Variants in BICRA observed in about 807,000 individuals in gnomAD.
BICRA encodes BRD4-interacting chromatin-remodeling complex-associated protein.
BICRA carries 31 observed loss-of-function variants against 96.9 expected under a neutral mutation model. The observed-to-expected ratio is 0.32, with a 90% CI of 0.24 to 0.43. The LOEUF (loss-of-function observed/expected upper bound fraction) is 0.43. Ranked by LOEUF, BICRA falls within the 20% of genes least tolerant of loss-of-function variation. BICRA has a pLI of 1.00. For synonymous variants in BICRA, 1,350 were observed against 1,071.8 expected (o/e 1.26, Z -5.07); for missense variants, 2,283 against 2,190.3 (o/e 1.04, Z -0.84).
intron 7 of BICRA, among the ~76,000 whole-genome samples, 190 bp downstream of exon 7, chr19:47,682,342 A>G (rs1973078298): frequency 6.6e-6 from 1 of 152,108 alleles, no homozygotes; most frequent in Non-Finnish European, 1.5e-5. Flanking sequence ...GCCCTGGGGG[A>G]GCCCACGCGC....
chr19:47,685,123 C>G (rs904994073), intron 7 of BICRA, among the ~76,000 whole-genome samples: 1 of 151,876 alleles, frequency 6.6e-6, no homozygotes, highest in African/African-American at 2.4e-5. Flanking sequence ...GCATGTGCCA[C>G]CACGCACAGC....
chr19:47,699,606 TCCTC>T lies in BICRA; in HGVS notation c.3595+203_3595+206del, dbSNP rs1438990471. On this transcript the variant is annotated intron_variant, in intron 14 of 14. Transcript: ENST00000594866. The surrounding 1 kb of genome is among the most constrained non-coding windows in gnomAD (Gnocchi z 5.0). ...CAGACCAGATAGCCCACATCCATCT[TCCTC>T]CATCCCTGTGTGGCCCTTCCACCCC... Among the ~76,000 whole-genome samples, 1 of 152,110 alleles carries T rather than the reference TCCTC, an allele frequency of 6.6e-6. No homozygotes were observed. The highest frequency in any genetic ancestry group is 1.5e-5 in the Non-Finnish European group (1 of 68,006).
intron 1 of BICRA, among the ~76,000 whole-genome samples, chr19:47,656,908 C>T (rs1429749079): frequency 6.6e-6 from 1 of 152,064 alleles, no homozygotes; most frequent in Non-Finnish European, 1.5e-5. Context: ...GTCGCCCAGG[C>T]TGGAGTGCAG....
chr19:47,666,159 A>G (rs1972775646), intron 1 of BICRA, among the ~76,000 whole-genome samples: 1 of 152,226 alleles, frequency 6.6e-6, no homozygotes. Flanking sequence ...CTTAGGGTAC[A>G]CGGCTGGGAA....
rs369183391 is a variant in BICRA at position 47,675,322 on chromosome 19, T to G, written c.85-529T>G. Among the ~76,000 whole-genome samples the G allele has an allele frequency of 2.6e-5, 4 of 152,196 alleles. No homozygotes were observed. The highest frequency in any genetic ancestry group is 5.9e-5 in the Non-Finnish European group (4 of 68,042). On this transcript the variant is annotated intron_variant, in intron 4 of 14. Transcript: ENST00000594866. The surrounding 1 kb of genome is among the most constrained non-coding windows in gnomAD (Gnocchi z 4.7). ...TGGACATACATTCACTGGGCACATA[T>G]GTGGATGCCAGGGCCTGTTCTGGGC...
Position 47,699,254 on chromosome 19 carries a change from T to C in BICRA, c.3493-49T>C. 1 of 1,106,670 alleles carries C rather than the reference T, an allele frequency of 9.0e-7. No individual in the cohort carries two copies. The allele number at this position is 1,106,670 out of a possible 1,614,324, so 68.6% of individuals were successfully genotyped here. A position where few individuals can be genotyped will look rare whatever the true frequency, so the allele number is the denominator to read the frequency against. Reference sequence around the variant, plus strand: ...CATCGTCCCCGTCGCTCGCGCCCCTTCCCCCTTCTTGCTGGTTCACTCGCA... The same window carrying C: ...CATCGTCCCCGTCGCTCGCGCCCCTCCCCCCTTCTTGCTGGTTCACTCGCA... On this transcript the variant is annotated intron_variant, in intron 13 of 14. Coordinates refer to ENST00000594866, the MANE Select transcript of BICRA (RefSeq NM_001394372.1). The surrounding 1 kb of genome is among the most constrained non-coding windows in gnomAD (Gnocchi z 5.0).
At chr19:47,629,255 G>A (rs995588443) in intron 1 of BICRA, among the ~76,000 whole-genome samples, 5 of 151,800 alleles carry the variant, frequency 3.3e-5, no homozygotes, top group East Asian at 1.9e-4. Context: ...CACCCGCCTC[G>A]GCCTCCCAAA....
chr19:47,637,932 T>A (rs1427287420), intron 1 of BICRA, among the ~76,000 whole-genome samples: 1 of 152,200 alleles, frequency 6.6e-6, no homozygotes, highest in African/African-American at 2.4e-5. Context: ...GTTGATCCAT[T>A]CATCCGTGGA....
chr19:47,638,517 C>G (rs1256265178), intron 1 of BICRA, among the ~76,000 whole-genome samples: 1 of 152,148 alleles, frequency 6.6e-6, no homozygotes, highest in Non-Finnish European at 1.5e-5. Flanking sequence ...CCAGAGGCAA[C>G]ATGGTTAGGA....
chr19:47,682,153 G>C lies in BICRA; in HGVS notation c.2283+1G>C, dbSNP rs1973074520. On this transcript the variant is annotated splice_donor_variant, in intron 7 of 14. Transcript: ENST00000594866. LOFTEE classifies it high-confidence loss of function. ...GGCTTCCCCGGCTCCGGCCCCCCAG[G>C]TAGAGGGACCCCAGCAGCCTGTGTC... is the stretch of plus-strand genomic sequence containing the variant. 7.1e-7 allele frequency: 1 copy of C among 1,402,642 alleles called. No homozygotes were observed. The highest frequency in any genetic ancestry group is 1.4e-5 in the African/African-American group (1 of 70,724). 86.9% of individuals were successfully genotyped at this position (1,402,642 alleles called of 1,614,324 possible).
At chr19:47,617,894 T>C (rs1051418962) in intron 1 of BICRA, among the ~76,000 whole-genome samples, 1 of 152,050 alleles carries the variant, frequency 6.6e-6, no homozygotes, top group African/African-American at 2.4e-5. Flanking sequence ...TTATTAATGG[T>C]GGTGTTATTT....
At chr19:47,691,342 C>T (rs1451502526) in intron 7 of BICRA, among the ~76,000 whole-genome samples, 1 of 152,154 alleles carries the variant, frequency 6.6e-6, no homozygotes, top group African/African-American at 2.4e-5. Context: ...ATCACTTCTG[C>T]CAAATTCTAT....
At chr19:47,639,620 G>A (rs1972354494) in intron 1 of BICRA, among the ~76,000 whole-genome samples, 4 of 137,618 alleles carry the variant, frequency 2.9e-5, no homozygotes, top group Admixed American at 2.3e-4. Context: ...GAGCCACCGC[G>A]GCCAGCCAAT....
chr19:47,676,864 C>A (rs953437054), intron 5 of BICRA, among the ~76,000 whole-genome samples: 11 of 151,786 alleles, frequency 7.2e-5, no homozygotes, highest in African/African-American at 2.7e-4. Context: ...TTTTTGTATA[C>A]CCTAAGATCC....
intron 1 of BICRA, among the ~76,000 whole-genome samples, chr19:47,619,919 G>A (rs915834584): frequency 2.6e-5 from 4 of 152,194 alleles, no homozygotes; most frequent in South Asian, 2.1e-4. Flanking sequence ...GCACATTCTC[G>A]TCACTGCCAG....
At chr19:47,641,902 G>A (rs939312006) in intron 1 of BICRA, among the ~76,000 whole-genome samples, 7 of 152,098 alleles carry the variant, frequency 4.6e-5, no homozygotes, top group African/African-American at 1.7e-4. Context: ...ATAGTTGTCA[G>A]TGTTCAGATC....
rs1477384904 is a variant in BICRA, at chr19:47,701,799, C to T, written c.4067C>T (p.Thr1356Met). The T allele has an allele frequency of 1.3e-6, 2 of 1,538,578 alleles. No homozygotes were observed. Among genetic ancestry groups the T allele is most frequent in the Middle Eastern group, 2.0e-4 (1 of 4,920 alleles). Residue 1356 changes from threonine to methionine, a missense_variant, in exon 15 of 15, where the codon ACG (threonine) becomes ATG (methionine). By Grantham distance (81) the Thr-to-Met change is moderately conservative. Coordinates refer to ENST00000594866, the MANE Select transcript of BICRA (RefSeq NM_001394372.1). The surrounding 1 kb of genome is among the most constrained non-coding windows in gnomAD (Gnocchi z 5.4). ...PPRPPPPPPP[T>M]GQMNGTVDHP... The stretch of plus-strand genomic sequence containing the variant: ...CGGCCGCCACCACCACCGCCGCCCA[C>T]GGGCCAGATGAACGGCACGGTGGAC...
chr19:47,702,589 G>A lies in BICRA; in HGVS notation c.*174G>A, dbSNP rs1025165125. ...TGCCGCCTGCTTCAGCTGGGTTGCTGGGGGGTGGGCGTGGATTTAGGGAGG... is the reference window on the plus strand; with the variant it reads ...TGCCGCCTGCTTCAGCTGGGTTGCTAGGGGGTGGGCGTGGATTTAGGGAGG... On this transcript the variant is annotated 3_prime_UTR_variant, in exon 15 of 15. Coordinates refer to ENST00000594866, the MANE Select transcript of BICRA (RefSeq NM_001394372.1). 8 of 743,486 alleles carry A rather than the reference G, an allele frequency of 1.1e-5. No homozygotes were observed. The highest frequency in any genetic ancestry group is 1.6e-5 in the Non-Finnish European group (8 of 498,816). 46.1% of individuals were successfully genotyped at this position (743,486 alleles called of 1,614,324 possible). A position where few individuals can be genotyped will look rare whatever the true frequency, so the allele number is the denominator to read the frequency against.
intron 7 of BICRA, among the ~76,000 whole-genome samples, chr19:47,682,544 T>C (rs1973081653): frequency 6.6e-6 from 1 of 152,238 alleles, no homozygotes; most frequent in South Asian, 2.1e-4. Flanking sequence ...ATTTGTTATC[T>C]GGATAGGGAA....
Sources: allele counts gnomAD v4.1 joint callset (sites outside exome capture counted in the v4.1 genomes callset), GRCh38; gene constraint gnomAD v4.1.1; non-coding constraint Gnocchi (gnomAD v3.1); transcripts MANE v1.5; gene names NCBI Gene and HGNC (gene_info 2026-07-23, HGNC 2026-07-21).